SLC10A7: variants seen among roughly 807,000 people sequenced by gnomAD.
SLC10A7 encodes solute carrier family 10 member 7, also known as sodium/bile acid cotransporter 7.
In SLC10A7, 29 loss-of-function variants were observed where a neutral mutation model predicts 43.2. The observed-to-expected ratio is 0.67, with a 90% CI of 0.50 to 0.92. The LOEUF is 0.92. Among genes scored for constraint, SLC10A7 ranks in the 40% least tolerant of loss-of-function variants. The pLI is 0.00. For synonymous variants in SLC10A7, 152 were observed against 144.8 expected (o/e 1.05, Z -0.35); for missense variants, 295 against 403.2 (o/e 0.73, Z 2.30).
intron 5 of SLC10A7, among the ~76,000 whole-genome samples, chr4:146,346,349 T>A (rs1446821675): frequency 5.3e-5 from 8 of 152,160 alleles, no homozygotes; most frequent in African/African-American, 1.7e-4. Flanking sequence ...AATACATATA[T>A]GTGCAATATG....
intron 6 of SLC10A7, among the ~76,000 whole-genome samples, chr4:146,319,922 T>C (rs1465828168): frequency 6.6e-6 from 1 of 152,050 alleles, no homozygotes; most frequent in Non-Finnish European, 1.5e-5. Context: ...AAAGACAGTT[T>C]ATCTATAGAA....
At chr4:146,498,383 C>T (rs928962072) in intron 4 of SLC10A7, among the ~76,000 whole-genome samples, 3 of 151,964 alleles carry the variant, frequency 2.0e-5, no homozygotes, top group African/African-American at 7.2e-5. Flanking sequence ...CTCCCAAAGT[C>T]CTGGGATTAC....
intron 4 of SLC10A7, among the ~76,000 whole-genome samples, chr4:146,459,980 C>A (rs1732394394): frequency 1.3e-5 from 2 of 151,714 alleles, no homozygotes; most frequent in African/African-American, 4.8e-5. Context: ...AAAACTCTTA[C>A]AACTAAATAA....
intron 4 of SLC10A7, among the ~76,000 whole-genome samples, chr4:146,460,446 G>T (rs943437808): frequency 6.6e-6 from 1 of 151,952 alleles, no homozygotes; most frequent in Non-Finnish European, 1.5e-5. Context: ...TTCAAATGGT[G>T]AATGAATAAA....
chr4:146,403,525 A>C (rs778547887), intron 5 of SLC10A7, among the ~76,000 whole-genome samples: 4 of 152,162 alleles, frequency 2.6e-5, no homozygotes, highest in Non-Finnish European at 4.4e-5. Flanking sequence ...GAGTGGTCTC[A>C]GTTCCAGCTA....
At chr4:146,331,184 G>C (rs189083040) in intron 5 of SLC10A7, among the ~76,000 whole-genome samples, 54 of 152,110 alleles carry the variant, frequency 3.6e-4, no homozygotes, top group Admixed American at 1.4e-3. Context: ...TAAATTTAAG[G>C]CTCCACATTT....
At chr4:146,282,323 C>T (rs1002215381) in intron 10 of SLC10A7, among the ~76,000 whole-genome samples, 9 of 152,162 alleles carry the variant, frequency 5.9e-5, no homozygotes, top group African/African-American at 2.2e-4. Context: ...TTAATAAAAA[C>T]ATTATGAAAT....
intron 7 of SLC10A7, among the ~76,000 whole-genome samples, chr4:146,302,748 T>A (rs907311142): frequency 1.3e-5 from 2 of 152,166 alleles, no homozygotes; most frequent in Admixed American, 1.3e-4. Flanking sequence ...TTATTCAGAA[T>A]CTCTGTTATG....
chr4:146,473,364 C>G (rs1248181020), intron 4 of SLC10A7, among the ~76,000 whole-genome samples: 1 of 152,044 alleles, frequency 6.6e-6, no homozygotes, highest in Non-Finnish European at 1.5e-5. Flanking sequence ...TTTAATGCTG[C>G]TTAGTTCCTA....
At chr4:146,332,157 TAACATGCCCA>T (rs1229150886) in intron 5 of SLC10A7, among the ~76,000 whole-genome samples, 2 of 152,162 alleles carry the variant, frequency 1.3e-5, no homozygotes, top group Non-Finnish European at 2.9e-5. Flanking sequence ...CTAAGGATCT[TAACATGCCCA>T]AATCAAACAT....
Position 146,306,003 on chromosome 4 carries a change from A to T in SLC10A7, c.478T>A (p.Ser160Thr), listed in dbSNP as rs1731544096. 1.2e-6 allele frequency: 2 copies of T among 1,604,564 alleles called. No homozygotes were observed. Among genetic ancestry groups the T allele is most frequent in the South Asian group, 2.2e-5 (2 of 88,910 alleles). ...GATGTGAAAGGCACAGAAGAAGATG[A>T]ACCAAGCTGTAAAACAAGAAAATAG... ...TPLLLLLFLG[S>T]SSSVPFTSIF... Residue 160 changes from serine (S) to threonine (T), a missense_variant, in exon 7 of 12, where the codon TCA becomes ACA. By Grantham distance (58) the Ser-to-Thr change is moderately conservative. Around this residue, in one of 2 missense-constraint regions of SLC10A7, gnomAD observed 242 missense variants for 362.5 expected, o/e 0.67. Coordinates refer to ENST00000335472, the MANE Select transcript of SLC10A7 (RefSeq NM_001029998.6).
intron 4 of SLC10A7, among the ~76,000 whole-genome samples, chr4:146,477,506 A>G (rs1420248274): frequency 2.0e-5 from 3 of 152,252 alleles, no homozygotes; most frequent in African/African-American, 7.2e-5. Flanking sequence ...TCTAGAATTA[A>G]GAATAACCTA....
At chr4:146,299,295 A>G (rs941861132) in intron 7 of SLC10A7, among the ~76,000 whole-genome samples, 6 of 152,234 alleles carry the variant, frequency 3.9e-5, no homozygotes, top group African/African-American at 1.4e-4. Flanking sequence ...AGGGTCCTCA[A>G]AGATTACATT....
chr4:146,260,145 T>A lies in SLC10A7; in HGVS notation c.848-1308A>T, dbSNP rs1285391816. Among the ~76,000 whole-genome samples the A allele has an allele frequency of 4.6e-5, 7 of 152,182 alleles. No homozygotes were observed. In the East Asian group the frequency reaches 1.3e-3, roughly 29 times the overall value. On this transcript the variant is annotated intron_variant, in intron 10 of 11. Transcript: ENST00000335472. The stretch of plus-strand genomic sequence containing the variant: ...CTCTGAGAGCTTCTAAAGTACATGC[T>A]TAGATTTTTTGCAGTTTCTGTCTTT...
At chr4:146,429,609 T>C (rs1729623459) in intron 5 of SLC10A7, among the ~76,000 whole-genome samples, 1 of 150,410 alleles carries the variant, frequency 6.6e-6, no homozygotes, top group African/African-American at 2.5e-5. Flanking sequence ...CTAACAAAAA[T>C]AGGAAGTGCC....
intron 5 of SLC10A7, among the ~76,000 whole-genome samples, chr4:146,377,701 G>A (rs1737302744): frequency 6.6e-6 from 1 of 152,038 alleles, no homozygotes; most frequent in South Asian, 2.1e-4. Flanking sequence ...GAACAAAGAG[G>A]GTGTGCAGAG....
At chr4:146,401,426 C>T (rs573999431) in intron 5 of SLC10A7, among the ~76,000 whole-genome samples, 1 of 152,226 alleles carries the variant, frequency 6.6e-6, no homozygotes, top group East Asian at 1.9e-4. Context: ...AACACACAGC[C>T]CTCTTACTAT....
intron 5 of SLC10A7, among the ~76,000 whole-genome samples, chr4:146,338,038 G>A (rs1049617266): frequency 9.2e-5 from 14 of 151,944 alleles, no homozygotes; most frequent in Non-Finnish European, 1.5e-4. Flanking sequence ...AAGATTTAAT[G>A]TGTATCTGCC....
intron 10 of SLC10A7, among the ~76,000 whole-genome samples, chr4:146,269,184 A>G (rs1163344377): frequency 6.6e-6 from 1 of 152,222 alleles, no homozygotes; most frequent in East Asian, 1.9e-4. Flanking sequence ...GTATGTTGTG[A>G]TTGGAAAAGA....
Sources: gnomAD v4.1 joint callset for allele counts (sites outside exome capture counted in the v4.1 genomes callset) on GRCh38, gnomAD v4.1.1 for gene constraint, gnomAD v4.1.1 regional missense constraint, MANE v1.5 for transcripts, NCBI Gene and HGNC (gene_info 2026-07-23, HGNC 2026-07-21) for gene names.